Variants in NTRK3 observed in about 807,000 individuals in gnomAD.
NTRK3 encodes the protein NT-3 growth factor receptor.
In NTRK3, 24 loss-of-function variants were observed where a neutral mutation model predicts 91.7. That is an observed-to-expected ratio of 0.26 (90% confidence interval 0.19 to 0.37). The LOEUF (loss-of-function observed/expected upper bound fraction) is 0.37, where lower values mean the gene tolerates loss of function less well. NTRK3 is among the 10% of genes least tolerant of loss of function. NTRK3 has a pLI of 1.00. For missense variants in NTRK3, 880 were observed against 1,068.9 expected, an observed-to-expected ratio of 0.82 and a Z score of 2.46; for synonymous variants, 483 against 404.0, an observed-to-expected ratio of 1.20 and a Z score of -2.34.
intron 13 of NTRK3, among the ~76,000 whole-genome samples, chr15:88,038,231 T>C (rs960691916): frequency 1.3e-5 from 2 of 152,228 alleles, no homozygotes; most frequent in Non-Finnish European, 2.9e-5. Flanking sequence ...CTGATGTATG[T>C]CACTGCTGAA....
chr15:87,901,314 A>G (rs1363804535), intron 17 of NTRK3, among the ~76,000 whole-genome samples: 1 of 152,232 alleles, frequency 6.6e-6, no homozygotes, highest in East Asian at 1.9e-4. Flanking sequence ...TCCTCTGTTA[A>G]CACACATTCC....
At chr15:88,079,220 G>A (rs1213392926) in intron 13 of NTRK3, among the ~76,000 whole-genome samples, 2 of 152,230 alleles carry the variant, frequency 1.3e-5, no homozygotes, top group East Asian at 3.8e-4. Context: ...TCAGAACAAA[G>A]AGACTGGGAT....
At chr15:87,934,140 G>A (rs1424194855) in intron 15 of NTRK3, among the ~76,000 whole-genome samples, 1 of 152,230 alleles carries the variant, frequency 6.6e-6, no homozygotes, top group African/African-American at 2.4e-5. Flanking sequence ...GCCCAGCAAT[G>A]CTGGCCAGAT....
At chr15:88,185,093 G>A (rs2046840228) in intron 3 of NTRK3, among the ~76,000 whole-genome samples, 1 of 152,206 alleles carries the variant, frequency 6.6e-6, no homozygotes, top group South Asian at 2.1e-4. Context: ...TGGATCAGCA[G>A]TTTCTCCCCT....
At chr15:88,156,925 G>C (rs1022721432) in intron 5 of NTRK3, among the ~76,000 whole-genome samples, 11 of 152,134 alleles carry the variant, frequency 7.2e-5, no homozygotes, top group East Asian at 1.9e-4. Flanking sequence ...AAACCAACCT[G>C]AGTTTCTAGG....
chr15:87,995,348 C>T (rs1208621536), intron 14 of NTRK3, among the ~76,000 whole-genome samples: 1 of 152,118 alleles, frequency 6.6e-6, no homozygotes, highest in African/African-American at 2.4e-5. Context: ...CTAGGGCATT[C>T]CTAAGAGGTA....
At chr15:87,881,427 T>TTATG (rs1469799399) in intron 17 of NTRK3, among the ~76,000 whole-genome samples, 156 of 149,406 alleles carry the variant, frequency 1.0e-3, no homozygotes, top group Non-Finnish European at 1.5e-3. Context: ...ATTTATTTAT[T>TTATG]TATTTATTTT....
chr15:87,952,276 G>A (rs1269757401), intron 14 of NTRK3, among the ~76,000 whole-genome samples: 1 of 141,700 alleles, frequency 7.1e-6, no homozygotes, highest in African/African-American at 2.5e-5. Context: ...AGGAAGGAAA[G>A]AAAGAAAGAA....
intron 13 of NTRK3, among the ~76,000 whole-genome samples, chr15:88,102,063 G>A (rs886925837): frequency 7.9e-5 from 12 of 151,976 alleles, no homozygotes; most frequent in South Asian, 2.1e-4. Flanking sequence ...AAGAGGAAGC[G>A]GAAATGGGGT....
At chr15:88,096,856 C>T (rs1042297131) in intron 13 of NTRK3, among the ~76,000 whole-genome samples, 2 of 152,196 alleles carry the variant, frequency 1.3e-5, no homozygotes, top group African/African-American at 2.4e-5. Context: ...TCATATTGCC[C>T]GCTTGCTCCC....
intron 3 of NTRK3, among the ~76,000 whole-genome samples, chr15:88,202,829 A>G (rs901318591): frequency 6.6e-6 from 1 of 152,188 alleles, no homozygotes; most frequent in African/African-American, 2.4e-5. Flanking sequence ...AAGACCAAAG[A>G]CCAGAAGATA....
chr15:87,988,302 C>CA (rs2075007496), intron 14 of NTRK3, among the ~76,000 whole-genome samples: 1 of 152,156 alleles, frequency 6.6e-6, no homozygotes, highest in African/African-American at 2.4e-5. Context: ...AAGAAACTGT[C>CA]AGAGATCATA....
intron 14 of NTRK3, among the ~76,000 whole-genome samples, chr15:88,031,393 G>T (rs181577143): frequency 2.3e-4 from 35 of 152,318 alleles, no homozygotes; most frequent in African/African-American, 8.2e-4. Context: ...CTTGGACCCA[G>T]CTATCACCAT....
chr15:88,172,090 C>T (rs186231916), intron 5 of NTRK3, among the ~76,000 whole-genome samples: 38 of 152,348 alleles, frequency 2.5e-4, no homozygotes, highest in African/African-American at 8.4e-4. Context: ...AAACCCAGAA[C>T]AATCGCAGTG....
At chr15:88,218,651 C>G (rs1490305137) in intron 3 of NTRK3, among the ~76,000 whole-genome samples, 1 of 152,206 alleles carries the variant, frequency 6.6e-6, no homozygotes, top group East Asian at 1.9e-4. Flanking sequence ...ACTGCAGGGC[C>G]TGGGGACCTT....
chr15:88,219,044 C>T (rs527479503), intron 3 of NTRK3, among the ~76,000 whole-genome samples: 1 of 152,192 alleles, frequency 6.6e-6, no homozygotes, highest in Non-Finnish European at 1.5e-5. Context: ...TGACAGGAGA[C>T]GACCTCTTGG....
At chr15:87,879,448 A>G (rs1195878245) in intron 18 of NTRK3, among the ~76,000 whole-genome samples, 1 of 152,186 alleles carries the variant, frequency 6.6e-6, no homozygotes, top group Non-Finnish European at 1.5e-5. Flanking sequence ...TGGGCTTTGG[A>G]GGCAGAGGAG....
intron 13 of NTRK3, among the ~76,000 whole-genome samples, chr15:88,125,101 T>C (rs963085306): frequency 6.6e-6 from 1 of 152,218 alleles, no homozygotes; most frequent in African/African-American, 2.4e-5. Flanking sequence ...CACCTCAGCC[T>C]CCTGAGTAGC....
At chr15:88,196,037 G>A (rs1317682947) in intron 3 of NTRK3, among the ~76,000 whole-genome samples, 3 of 152,222 alleles carry the variant, frequency 2.0e-5, no homozygotes, top group Non-Finnish European at 4.4e-5. Context: ...TTATAAAGGC[G>A]AATTGGTGAG....
Sources: gnomAD v4.1 joint callset for allele counts (sites outside exome capture counted in the v4.1 genomes callset) on GRCh38, gnomAD v4.1.1 for gene constraint, MANE v1.5 for transcripts, NCBI Gene and HGNC (gene_info 2026-07-23, HGNC 2026-07-21) for gene names.